Variants in PBX1 observed in about 807,000 individuals in gnomAD.
PBX1 encodes pre-B-cell leukemia transcription factor 1.
Under a neutral mutation model 53.4 loss-of-function variants are expected in PBX1, and 6 were observed. That is an observed-to-expected ratio of 0.11 (90% CI 0.06 to 0.22). The LOEUF (loss-of-function observed/expected upper bound fraction) is 0.22. Ranked by LOEUF, PBX1 falls within the 10% of genes least tolerant of loss-of-function variation. PBX1 has a pLI of 1.00. For synonymous variants in PBX1, 204 were observed against 212.3 expected (o/e 0.96, Z 0.34); for missense variants, 251 against 551.4 (o/e 0.46, Z 5.46).
At chr1:164,620,454 G>A (rs1657592649) in intron 2 of PBX1, among the ~76,000 whole-genome samples, 3 of 151,858 alleles carry the variant, frequency 2.0e-5, no homozygotes, top group Non-Finnish European at 4.4e-5. Context: ...AAGTTCATAT[G>A]CGTGCATGTG....
chr1:164,701,192 G>C (rs1307703554), intron 2 of PBX1, among the ~76,000 whole-genome samples: 1 of 152,184 alleles, frequency 6.6e-6, no homozygotes, highest in Admixed American at 6.5e-5. Context: ...AGAAAGCAGA[G>C]TTCAGGGGAA....
chr1:164,628,756 T>TG (rs1004394577), intron 2 of PBX1, among the ~76,000 whole-genome samples: 4 of 152,176 alleles, frequency 2.6e-5, no homozygotes, highest in Non-Finnish European at 2.9e-5. Flanking sequence ...ATATGATATG[T>TG]GGGGTGCTAT....
intron 2 of PBX1, chr1:164,651,930 GGT>G (rs57772161): frequency 0.042 from 6,094 of 144,084 alleles, 129 homozygotes; most frequent in African/African-American, 0.053. Flanking sequence ...ATGGAGGGAG[GGT>G]GTGTGTGTGT....
chr1:164,846,232 A>T (rs930250942), intron 8 of PBX1, among the ~76,000 whole-genome samples: 1 of 152,170 alleles, frequency 6.6e-6, no homozygotes, highest in African/African-American at 2.4e-5. Context: ...TTTACCATCG[A>T]CATTAGCTAG....
rs1012379575 is a variant in PBX1 at position 164,846,708 on chromosome 1, T to C, written c.*32T>C. 6.2e-7 allele frequency: 1 copy of C among 1,613,882 alleles called. No homozygotes were observed. The highest frequency in any genetic ancestry group is 8.5e-7 in the Non-Finnish European group (1 of 1,179,948). ...AGCAATCGCATCCCGGCTGACCCTG[T>C]GCCCCAGTTGGGGCAGGGGCAGGAG... is the stretch of plus-strand genomic sequence containing the variant. On this transcript the variant is annotated 3_prime_UTR_variant, in exon 9 of 9. Transcript: ENST00000420696.
chr1:164,834,659 T>C (rs1011950823), intron 8 of PBX1, among the ~76,000 whole-genome samples: 7 of 152,126 alleles, frequency 4.6e-5, no homozygotes, highest in Non-Finnish European at 8.8e-5. Context: ...CTATTTTTCA[T>C]GGAAAGGAAA....
At chr1:164,706,987 G>C (rs1663459369) in intron 2 of PBX1, among the ~76,000 whole-genome samples, 1 of 152,216 alleles carries the variant, frequency 6.6e-6, no homozygotes, top group South Asian at 2.1e-4. Flanking sequence ...TGTTTGTCCT[G>C]AGTTAGTGGA....
chr1:164,800,000 C>T, intron 4 of PBX1, 111 bp downstream of exon 4: 1 of 942,878 alleles, frequency 1.1e-6, no homozygotes, highest in Non-Finnish European at 1.6e-6. Context: ...AACGCTGAAC[C>T]AAGTGATACC....
chr1:164,761,048 G>C (rs566391063), intron 2 of PBX1, among the ~76,000 whole-genome samples: 1 of 152,158 alleles, frequency 6.6e-6, no homozygotes, highest in South Asian at 2.1e-4. Context: ...TTTCTTTTTG[G>C]TGTCTATTTC....
At chr1:164,759,286 C>T (rs1666686673) in intron 2 of PBX1, among the ~76,000 whole-genome samples, 1 of 152,136 alleles carries the variant, frequency 6.6e-6, no homozygotes, top group Non-Finnish European at 1.5e-5. Context: ...TTGGCTCAAC[C>T]CCCATTCCAG....
At chr1:164,677,496 G>A (rs920186663) in intron 2 of PBX1, among the ~76,000 whole-genome samples, 19 of 152,092 alleles carry the variant, frequency 1.2e-4, no homozygotes, top group Admixed American at 9.8e-4. Context: ...CTGCCTTAGG[G>A]GAACTTCTAG....
intron 6 of PBX1, chr1:164,812,580 A>T (rs1321292388): frequency 1.3e-5 from 2 of 154,168 alleles, no homozygotes; most frequent in Non-Finnish European, 2.9e-5. Flanking sequence ...ACTTATTAGC[A>T]TGCATTCTAT....
intron 2 of PBX1, among the ~76,000 whole-genome samples, chr1:164,878,695 A>G (rs1384089674): frequency 6.6e-6 from 1 of 152,322 alleles, no homozygotes; most frequent in East Asian, 1.9e-4. Context: ...AAATCTAAAT[A>G]TGAAGACCAT....
At chr1:164,841,798 G>A (rs528896363) in intron 8 of PBX1, among the ~76,000 whole-genome samples, 6 of 152,152 alleles carry the variant, frequency 3.9e-5, no homozygotes, top group East Asian at 3.9e-4. Context: ...GGATGCATCC[G>A]TGTCTCTGTT....
At chr1:164,819,220 C>G (rs1317940338) in intron 6 of PBX1, 1 of 152,120 alleles carries the variant, frequency 6.6e-6, no homozygotes, top group Non-Finnish European at 1.5e-5. Context: ...CTGGGTGGTG[C>G]CAGGATGGAC....
chr1:164,582,035 G>T (rs1654649183), intron 2 of PBX1, among the ~76,000 whole-genome samples: 1 of 152,188 alleles, frequency 6.6e-6, no homozygotes, highest in African/African-American at 2.4e-5. Flanking sequence ...ACCAAAAGAT[G>T]TGAGAGATAC....
intron 8 of PBX1, among the ~76,000 whole-genome samples, chr1:164,832,098 C>T (rs1004252630): frequency 6.6e-6 from 1 of 152,118 alleles, no homozygotes; most frequent in Non-Finnish European, 1.5e-5. Context: ...TACATTTTTC[C>T]TCTTTTGCCT....
intron 8 of PBX1, chr1:164,828,914 G>A (rs1026590547): frequency 1.3e-5 from 2 of 152,000 alleles, no homozygotes; most frequent in African/African-American, 4.8e-5. Flanking sequence ...AAATCCCTTT[G>A]TTTTAAAATT....
intron 3 of PBX1, among the ~76,000 whole-genome samples, chr1:164,796,678 T>TCC (rs1668803541): frequency 6.6e-6 from 1 of 152,178 alleles, no homozygotes; most frequent in South Asian, 2.1e-4. Context: ...TTGAAAGGCT[T>TCC]CCCTTTCAGT....
Sources: allele counts gnomAD v4.1 joint callset (sites outside exome capture counted in the v4.1 genomes callset), GRCh38; gene constraint gnomAD v4.1.1; transcripts MANE v1.5; gene names NCBI Gene and HGNC (gene_info 2026-07-23, HGNC 2026-07-21).